The following FOXP1 variants were observed in gnomAD, a reference collection of about 807,000 sequenced individuals.
FOXP1 encodes the protein forkhead box P1.
FOXP1 carries 15 observed loss-of-function variants against 98.2 expected under a neutral mutation model. The observed-to-expected ratio is 0.15, with a 90% CI of 0.10 to 0.24. FOXP1 has a LOEUF of 0.24. Among genes scored for constraint, FOXP1 ranks in the 10% least tolerant of loss-of-function variants. FOXP1 has a pLI of 1.00. For missense variants in FOXP1, 633 were observed against 848.5 expected (o/e 0.75, Z 3.15); for synonymous variants, 371 against 314.5 (o/e 1.18, Z -1.90).
At chr3:71,193,157 T>C (rs1263543684) in intron 6 of FOXP1, among the ~76,000 whole-genome samples, 1 of 150,026 alleles carries the variant, frequency 6.7e-6, no homozygotes, top group Non-Finnish European at 1.5e-5. Flanking sequence ...TTATTTGTGT[T>C]TTTTTTTTGA....
chr3:71,274,170 A>T (rs2070669310), intron 5 of FOXP1, among the ~76,000 whole-genome samples: 1 of 152,188 alleles, frequency 6.6e-6, no homozygotes, highest in South Asian at 2.1e-4. Context: ...GTTTCCTGAG[A>T]TCTGCAGACA....
chr3:71,258,545 C>A (rs1262274011), intron 5 of FOXP1, among the ~76,000 whole-genome samples: 1 of 152,100 alleles, frequency 6.6e-6, no homozygotes, highest in African/African-American at 2.4e-5. Context: ...CTAGAAGACA[C>A]AGAGACTGGG....
chr3:71,152,205 GGTGGTCTCCATGAGCTTGCAGCCTCA>G (rs1486302364), intron 6 of FOXP1, among the ~76,000 whole-genome samples: 87 of 152,234 alleles, frequency 5.7e-4, no homozygotes, highest in African/African-American at 2.0e-3. Context: ...GGAAACAGTG[GGTGGTCTCCATGAGCTTGCAGCCTCA>G]GTGCTCTCCC....
chr3:71,578,764 G>C (rs1037473690), intron 2 of FOXP1, among the ~76,000 whole-genome samples: 3 of 152,090 alleles, frequency 2.0e-5, no homozygotes, highest in African/African-American at 7.2e-5. Context: ...CTTCAACAGA[G>C]CCTAAGATGC....
chr3:70,985,685 GA>G (rs895374538), intron 14 of FOXP1, among the ~76,000 whole-genome samples: 1 of 151,690 alleles, frequency 6.6e-6, no homozygotes. Context: ...ACACAAATGT[GA>G]TCTTTTTTTT....
chr3:71,582,919 CAGTT>C lies in FOXP1; in HGVS notation c.-447+648_-447+651del, dbSNP rs1372539649. 1.3e-5 allele frequency: 8 copies of C among 601,994 alleles called. 1 individual carries two copies. Among genetic ancestry groups the C allele is most frequent in the Admixed American group, 1.3e-4 (2 of 15,810 alleles). The allele number at this position is 601,994 out of a possible 1,614,324, so 37.3% of individuals were successfully genotyped here. ...GGGGCCCAGGGCCAGGCACCACAGT[CAGTT>C]TGCTGGGGCCCGCGGGGCAGCTCAA... is the stretch of plus-strand genomic sequence containing the variant. On this transcript the variant is annotated intron_variant, in intron 1 of 20. Coordinates refer to ENST00000649528, the MANE Select transcript of FOXP1 (RefSeq NM_001349338.3).
chr3:71,337,214 T>A (rs578195198), intron 4 of FOXP1, among the ~76,000 whole-genome samples: 2 of 152,374 alleles, frequency 1.3e-5, no homozygotes, highest in African/African-American at 4.8e-5. Context: ...AAGTTCAATT[T>A]CTTGATTTGG....
chr3:71,113,163 A>G (rs1335969550), intron 6 of FOXP1, among the ~76,000 whole-genome samples: 1 of 152,224 alleles, frequency 6.6e-6, no homozygotes, highest in Admixed American at 6.5e-5. Flanking sequence ...GTAGAAAGGA[A>G]GATTAAACAG....
intron 5 of FOXP1, among the ~76,000 whole-genome samples, chr3:71,230,553 T>A (rs2106752494): frequency 1.3e-5 from 2 of 152,216 alleles, no homozygotes; most frequent in East Asian, 3.9e-4. Flanking sequence ...GCAACTACCA[T>A]CCAAAAAAGA....
intron 7 of FOXP1, among the ~76,000 whole-genome samples, chr3:71,074,007 C>T (rs973111504): frequency 3.3e-5 from 5 of 152,122 alleles, no homozygotes; most frequent in Non-Finnish European, 5.9e-5. Context: ...CTGGGAAGCA[C>T]GTACTGTGAC....
intron 7 of FOXP1, among the ~76,000 whole-genome samples, chr3:71,093,770 G>A (rs188125912): frequency 6.9e-4 from 105 of 151,724 alleles, no homozygotes; most frequent in African/African-American, 2.5e-3. Context: ...TCTCAGAATC[G>A]CTATGTCATT....
chr3:71,525,234 T>C (rs1454263844), intron 2 of FOXP1, among the ~76,000 whole-genome samples: 1 of 152,192 alleles, frequency 6.6e-6, no homozygotes, highest in East Asian at 1.9e-4. Flanking sequence ...AAAACTAGGG[T>C]GGATAAAAAA....
intron 6 of FOXP1, among the ~76,000 whole-genome samples, chr3:71,141,777 C>G (rs989426917): frequency 6.6e-6 from 1 of 151,974 alleles, no homozygotes; most frequent in Non-Finnish European, 1.5e-5. Context: ...GAAGCCTCAG[C>G]CTTCATTAAA....
At chr3:71,161,370 C>T (rs932121918) in intron 6 of FOXP1, among the ~76,000 whole-genome samples, 1 of 152,176 alleles carries the variant, frequency 6.6e-6, no homozygotes, top group African/African-American at 2.4e-5. Flanking sequence ...CTGTCTCTTT[C>T]TCTTTCTCAT....
At chr3:71,092,584 A>G (rs2055995516) in intron 7 of FOXP1, among the ~76,000 whole-genome samples, 1 of 152,194 alleles carries the variant, frequency 6.6e-6, no homozygotes, top group Admixed American at 6.5e-5. Flanking sequence ...AAATGATTTA[A>G]GCTTTTTTGG....
At chr3:71,562,826 G>T (rs1578190979) in intron 2 of FOXP1, among the ~76,000 whole-genome samples, 1 of 152,304 alleles carries the variant, frequency 6.6e-6, no homozygotes, top group Admixed American at 6.5e-5. Flanking sequence ...ACTCAAATAA[G>T]AAGTTGAGCA....
chr3:71,355,433 G>A (rs956910447), intron 4 of FOXP1, among the ~76,000 whole-genome samples: 4 of 152,172 alleles, frequency 2.6e-5, no homozygotes, highest in African/African-American at 9.7e-5. Flanking sequence ...CCCCTTTCAC[G>A]TAGGTGGTCA....
At chr3:71,081,031 C>T (rs1214149735) in intron 7 of FOXP1, among the ~76,000 whole-genome samples, 2 of 152,198 alleles carry the variant, frequency 1.3e-5, no homozygotes, top group African/African-American at 4.8e-5. Context: ...GGATTTGCAA[C>T]TCTGAAAGTG....
chr3:71,481,332 T>C (rs1249651581), intron 3 of FOXP1, among the ~76,000 whole-genome samples: 2 of 152,226 alleles, frequency 1.3e-5, no homozygotes, highest in East Asian at 1.9e-4. Context: ...GATTATACTG[T>C]TGGTAGGTGG....
Sources: gnomAD v4.1 joint callset for allele counts (sites outside exome capture counted in the v4.1 genomes callset) on GRCh38, gnomAD v4.1.1 for gene constraint, MANE v1.5 for transcripts, NCBI Gene and HGNC (gene_info 2026-07-23, HGNC 2026-07-21) for gene names.